Variants in BCLAF1 observed in about 807,000 individuals in gnomAD.
BCLAF1 encodes bcl-2-associated transcription factor 1.
Under a neutral mutation model 99.5 loss-of-function variants are expected in BCLAF1, and 10 were observed. The observed-to-expected ratio is 0.10, with a 90% CI of 0.06 to 0.17. The LOEUF (loss-of-function observed/expected upper bound fraction) is 0.17. Ranked by LOEUF, BCLAF1 falls within the 10% of genes least tolerant of loss-of-function variation. The pLI, the probability that BCLAF1 is intolerant of heterozygous loss-of-function variation, is 1.00. For synonymous variants in BCLAF1, 255 were observed against 370.9 expected (o/e 0.69, Z 3.59); for missense variants, 636 against 1,105.8 (o/e 0.58, Z 6.02).
intron 8 of BCLAF1, chr6:136,269,884 A>G (rs1260849176): frequency 3.7e-6 from 1 of 267,280 alleles, no homozygotes; most frequent in Non-Finnish European, 6.9e-6. Context: ...ATCCAAAACA[A>G]TCTATAATAA....
chr6:136,284,864 G>A (rs76159292), intron 1 of BCLAF1, among the ~76,000 whole-genome samples: 1 of 152,134 alleles, frequency 6.6e-6, no homozygotes, highest in Non-Finnish European at 1.5e-5. Flanking sequence ...AACATGCAGA[G>A]GAGGTGGGCA....
At chr6:136,261,549 C>T (rs1781005710) in intron 11 of BCLAF1, 72 bp from the exon 12 acceptor site, 3 of 1,454,412 alleles carry the variant, frequency 2.1e-6, no homozygotes, top group East Asian at 4.5e-5. Context: ...AATCATAAAT[C>T]ACAGTATTAA....
chr6:136,284,458 A>G (rs1172757333), intron 1 of BCLAF1, among the ~76,000 whole-genome samples: 1 of 152,218 alleles, frequency 6.6e-6, no homozygotes, highest in Non-Finnish European at 1.5e-5. Context: ...TAGGAAATGT[A>G]TCTATGTAAG....
intron 1 of BCLAF1, among the ~76,000 whole-genome samples, chr6:136,289,389 G>C (rs1020036677): frequency 2.6e-5 from 4 of 152,190 alleles, no homozygotes; most frequent in East Asian, 3.9e-4. Flanking sequence ...GCAGAGGTAC[G>C]GGCTGAAGAA....
intron 11 of BCLAF1, among the ~76,000 whole-genome samples, chr6:136,266,205 T>C (rs916294285): frequency 1.3e-5 from 2 of 152,102 alleles, no homozygotes; most frequent in Non-Finnish European, 2.9e-5. Flanking sequence ...TTTATTCAAA[T>C]ATACTCATAA....
chr6:136,284,130 G>GTATATATATATATATATA (rs60218804), intron 1 of BCLAF1, among the ~76,000 whole-genome samples: 14 of 122,096 alleles, frequency 1.1e-4, no homozygotes, highest in African/African-American at 3.7e-4. Context: ...GTGTGTGTGT[G>GTATATATATATATATATA]TATATATATA....
intron 1 of BCLAF1, among the ~76,000 whole-genome samples, chr6:136,287,429 A>G (rs1785297792): frequency 6.6e-6 from 1 of 152,278 alleles, no homozygotes; most frequent in Admixed American, 6.5e-5. Context: ...ACAGTCAGAT[A>G]AAATATTAAA....
intron 9 of BCLAF1, chr6:136,269,034 C>A (rs1299210738): frequency 3.7e-6 from 3 of 802,266 alleles, no homozygotes; most frequent in Non-Finnish European, 4.7e-6. Context: ...TTCCTCCCCC[C>A]CATCTCTCCC....
intron 11 of BCLAF1, among the ~76,000 whole-genome samples, chr6:136,264,169 T>C (rs1408363456): frequency 1.3e-5 from 2 of 152,182 alleles, no homozygotes; most frequent in African/African-American, 2.4e-5. Context: ...GCACCTAGCA[T>C]AGTACATGAT....
intron 4 of BCLAF1, among the ~76,000 whole-genome samples, chr6:136,277,327 T>A (rs1230336183): frequency 6.6e-6 from 1 of 152,222 alleles, no homozygotes; most frequent in African/African-American, 2.4e-5. Flanking sequence ...AGCTGCATTA[T>A]TTATGTAGGT....
rs1478646288 is a variant in BCLAF1, at chr6:136,278,126, T to G, written c.755A>C (p.His252Pro). 6.2e-7 allele frequency: 1 copy of G among 1,600,894 alleles called. No homozygotes were observed. Among genetic ancestry groups the G allele is most frequent in the South Asian group, 1.1e-5 (1 of 89,624 alleles). Residue 252 changes from histidine to proline, a missense_variant, in exon 4 of 13, where the codon CAC becomes CCC. By Grantham distance (77) the His-to-Pro change is moderately conservative (BLOSUM62 -2). This residue lies in a region of BCLAF1 where 65 missense variants were observed against 90.9 expected (regional missense o/e 0.71). Transcript: ENST00000531224. Reference sequence around the variant, plus strand: ...CTGAGAAGGAGTATTTTTTGCAGAGTGAACTGTACTGAGCATGGGAGCATC... The same window carrying G: ...CTGAGAAGGAGTATTTTTTGCAGAGGGAACTGTACTGAGCATGGGAGCATC... ...CSDAPMLSTV[H>P]SAKNTPSQHS...
intron 8 of BCLAF1, among the ~76,000 whole-genome samples, chr6:136,271,186 C>T (rs1045476481): frequency 6.6e-6 from 1 of 151,686 alleles, no homozygotes; most frequent in African/African-American, 2.4e-5. Context: ...AAGCAAGGTT[C>T]AAGAGGTTAT....
chr6:136,273,260 C>T, intron 6 of BCLAF1, 73 bp from the exon 7 acceptor site: 1 of 1,269,644 alleles, frequency 7.9e-7, no homozygotes, highest in Non-Finnish European at 1.1e-6. Flanking sequence ...GACAGAAGGG[C>T]ATGTAGCAGG....
intron 11 of BCLAF1, among the ~76,000 whole-genome samples, chr6:136,263,772 T>C (rs1350090782): frequency 6.6e-6 from 1 of 152,172 alleles, no homozygotes; most frequent in Non-Finnish European, 1.5e-5. Flanking sequence ...CCTACTTCAG[T>C]ACTTTCCCAC....
chr6:136,268,375 TAAAAAGA>T, intron 9 of BCLAF1, 36 bp from the exon 10 acceptor site: 1 of 1,533,168 alleles, frequency 6.5e-7, no homozygotes, highest in Non-Finnish European at 8.8e-7. Context: ...GTGATACTTT[TAAAAAGA>T]TAAAGACCCT....
At chr6:136,287,328 A>G (rs1387978686) in intron 1 of BCLAF1, among the ~76,000 whole-genome samples, 2 of 152,086 alleles carry the variant, frequency 1.3e-5, no homozygotes, top group African/African-American at 4.8e-5. Flanking sequence ...AAATAAATAA[A>G]ATTAAAGTGT....
chr6:136,281,577 GAC>G (rs1267511823), intron 2 of BCLAF1, among the ~76,000 whole-genome samples: 2 of 152,160 alleles, frequency 1.3e-5, no homozygotes, highest in Non-Finnish European at 2.9e-5. Flanking sequence ...GAGATAATCA[GAC>G]ACACTATAAA....
intron 4 of BCLAF1, among the ~76,000 whole-genome samples, chr6:136,277,331 T>G (rs1310992465): frequency 6.6e-6 from 1 of 152,230 alleles, no homozygotes; most frequent in Admixed American, 6.5e-5. Flanking sequence ...GCATTATTTA[T>G]GTAGGTCACA....
intron 6 of BCLAF1, among the ~76,000 whole-genome samples, chr6:136,275,050 T>G (rs1584054814): frequency 6.6e-6 from 1 of 151,970 alleles, no homozygotes. Context: ...GTATAAAAAA[T>G]TAAGCGCAAA....
Sources: gnomAD v4.1 joint callset for allele counts (sites outside exome capture counted in the v4.1 genomes callset) on GRCh38, gnomAD v4.1.1 for gene constraint, gnomAD v4.1.1 regional missense constraint, MANE v1.5 for transcripts, NCBI Gene and HGNC (gene_info 2026-07-23, HGNC 2026-07-21) for gene names.